The following KRT76 variants were observed in gnomAD, a reference collection of about 807,000 sequenced individuals.
The protein encoded by KRT76 is keratin, type II cytoskeletal 2 oral.
In KRT76, 47 loss-of-function variants were observed where a neutral mutation model predicts 44.9. That is an observed-to-expected ratio of 1.05 (90% CI 0.83 to 1.33). KRT76 has a LOEUF of 1.33. Among genes scored for constraint, KRT76 ranks in the 40% most tolerant of loss-of-function variants. The pLI is 0.00. For synonymous variants in KRT76, 331 were observed against 294.1 expected (o/e 1.13, Z -1.28); for missense variants, 860 against 775.8 (o/e 1.11, Z -1.29).
chr12:52,776,272 C>G (rs1378674754), intron 1 of KRT76, among the ~76,000 whole-genome samples: 1 of 152,172 alleles, frequency 6.6e-6, no homozygotes, highest in African/African-American at 2.4e-5. Context: ...AGGCAGCTGC[C>G]AATGCACCTC....
At position 52,768,800 on chromosome 12, in the gene KRT76, T is replaced by C; in HGVS notation, c.1830A>G (p.Gly610=). Residue 610 remains glycine, a synonymous_variant, in exon 9 of 9, where the codon GGA becomes GGG. Coordinates refer to ENST00000332411, the MANE Select transcript of KRT76 (RefSeq NM_015848.4). ...SSSGSIQTSG[G]SGYKSGGGGS... ...CTCCACCACCAGACTTGTAGCCACTTCCTCCAGAAGTCTGGATGCTGCCAG... is the reference window on the plus strand; with the variant it reads ...CTCCACCACCAGACTTGTAGCCACTCCCTCCAGAAGTCTGGATGCTGCCAG... The C allele has an allele frequency of 6.2e-7, 1 of 1,613,782 alleles. No individual in the cohort carries two copies.
chr12:52,777,005 C>T lies in KRT76; in HGVS notation c.287G>A (p.Gly96Asp), dbSNP rs772989693. Residue 96 changes from glycine (G) to aspartate (D), a missense_variant, in exon 1 of 9, where the codon GGT becomes GAT. Coordinates refer to ENST00000332411, the MANE Select transcript of KRT76 (RefSeq NM_015848.4). Reference protein sequence around the residue: ...SSCGFAGGYGGGFGGSYGGGF... With the variant: ...SSCGFAGGYGDGFGGSYGGGF... ...ACCACCATAGCTGCCCCCAAAGCCA[C>T]CTCCATAGCCACCTGCAAAGCCACA... 6.2e-7 allele frequency: 1 copy of T among 1,614,016 alleles called. No homozygotes were observed. The highest frequency in any genetic ancestry group is 8.5e-7 in the Non-Finnish European group (1 of 1,179,888).
chr12:52,772,102 G>A lies in KRT76; in HGVS notation c.1129C>T (p.Gln377Ter). The change falls in exon 5 of 9, where the codon CAG (glutamine) becomes TAG (stop). Residue 377 changes from glutamine to a stop codon, truncating the protein, a stop_gained. Coordinates refer to ENST00000332411, the MANE Select transcript of KRT76 (RefSeq NM_015848.4). LOFTEE classifies it high-confidence loss of function. ...RSKSEAEALY[Q>*]TKLGELQTTA... ...ACAGGGAGGGTTCCCACCTTGGTCT[G>A]GTACAGGGCCTCAGCTTCAGACTTG... 1 of 1,610,184 alleles carries A rather than the reference G, an allele frequency of 6.2e-7. No individual in the cohort carries two copies. The highest frequency in any genetic ancestry group is 8.5e-7 in the Non-Finnish European group (1 of 1,177,756).
Position 52,771,200 on chromosome 12 carries a change from G to C in KRT76, c.1283C>G (p.Ala428Gly). 1 of 1,614,162 alleles carries C rather than the reference G, an allele frequency of 6.2e-7. No individual in the cohort carries two copies. The highest frequency in any genetic ancestry group is 8.5e-7 in the Non-Finnish European group (1 of 1,180,034). ...VKKQNANLQT[A>G]IAEAEQRGEM... ...TCCACGCTGCTCAGCCTCTGCAATT[G>C]CCGTCTGCAGGTTGGCATTCTGAGG... Residue 428 changes from alanine to glycine, a missense_variant, in exon 7 of 9, where the codon GCA becomes GGA. By Grantham distance (60) the Ala-to-Gly change is moderately conservative (BLOSUM62 0). Coordinates refer to ENST00000332411, the MANE Select transcript of KRT76 (RefSeq NM_015848.4).
intron 4 of KRT76, 101 bp downstream of exon 4, chr12:52,772,682 T>C (rs1356740184): frequency 7.3e-6 from 6 of 827,152 alleles, no homozygotes; most frequent in African/African-American, 6.7e-5. Flanking sequence ...CTGAGCCCCA[T>C]TGCTGGTTTT....
In KRT76 at chr12:52,772,871, T is replaced by C; in HGVS notation, c.884A>G (p.Asp295Gly). ...CTCCACCTTGTTCATGAAAGCCGCATCCACATCCTGCAGAGGAGGTCAGAA... is the reference window on the plus strand; with the variant it reads ...CTCCACCTTGTTCATGAAAGCCGCACCCACATCCTGCAGAGGAGGTCAGAA... ...NEFVGLKKDV[D>G]AAFMNKVELQ... Residue 295 changes from aspartate (D) to glycine (G), a missense_variant, in exon 4 of 9, where the codon GAT becomes GGT. Transcript: ENST00000332411. The C allele has an allele frequency of 1.9e-6, 3 of 1,613,730 alleles. No individual in the cohort carries two copies. Among genetic ancestry groups the C allele is most frequent in the Non-Finnish European group, 2.5e-6 (3 of 1,179,632 alleles).
rs1939127136 is a variant in KRT76 at position 52,768,633 on chromosome 12, A to G, written c.*80T>C. 2.7e-6 allele frequency: 4 copies of G among 1,483,678 alleles called. No individual in the cohort carries two copies. The highest frequency in any genetic ancestry group is 3.6e-6 in the Non-Finnish European group (4 of 1,097,412). The allele number at this position is 1,483,678 out of a possible 1,614,324, so 91.9% of individuals were successfully genotyped here. A position where few individuals can be genotyped will look rare whatever the true frequency, so the allele number is the denominator to read the frequency against. On this transcript the variant is annotated 3_prime_UTR_variant, in exon 9 of 9. Transcript: ENST00000332411. The stretch of plus-strand genomic sequence containing the variant: ...AAATGTGGTTGACCCTTATGCATCT[A>G]TTGATGCCAAGCAGAGAGTGGGAAA...
At position 52,776,802 on chromosome 12, in the gene KRT76, G is replaced by C; in HGVS notation, c.490C>G (p.Leu164Val). Residue 164 changes from leucine to valine, a missense_variant, in exon 1 of 9, where the codon CTC becomes GTC. Transcript: ENST00000332411. The stretch of plus-strand genomic sequence containing the variant: ...ATCTCCACATTGAGGGGCTGCAGGA[G>C]ACTCTGGTTTACAATCACTTCCTGA... ...GIQEVIVNQS[L>V]LQPLNVEIDP... The C allele has an allele frequency of 6.2e-7, 1 of 1,614,146 alleles. No individual in the cohort carries two copies. The highest frequency in any genetic ancestry group is 8.5e-7 in the Non-Finnish European group (1 of 1,180,030).
At position 52,771,186 on chromosome 12, in the gene KRT76, C is replaced by G. The variant is rs1555177098; in HGVS notation, c.1297G>C (p.Glu433Gln). 6.2e-7 allele frequency: 1 copy of G among 1,614,186 alleles called. No individual in the cohort carries two copies. Among genetic ancestry groups the G allele is most frequent in the Non-Finnish European group, 8.5e-7 (1 of 1,180,036 alleles). The change falls in exon 7 of 9, where the codon GAG becomes CAG. Residue 433 changes from glutamate (E) to glutamine (Q), a missense_variant. By Grantham distance (29) the Glu-to-Gln change is conservative. Coordinates refer to ENST00000332411, the MANE Select transcript of KRT76 (RefSeq NM_015848.4). ...TTGAGGGCCATCTCTCCACGCTGCT[C>G]AGCCTCTGCAATTGCCGTCTGCAGG... ...ANLQTAIAEA[E>Q]QRGEMALKDA...
chr12:52,771,323 T>C, intron 6 of KRT76, 104 bp from the exon 7 acceptor site: 1 of 1,121,508 alleles, frequency 8.9e-7, no homozygotes, highest in African/African-American at 1.5e-5. Flanking sequence ...CTCCCTTTCC[T>C]TAGAAATCCC....
chr12:52,773,359 A>G (rs1274810194), intron 3 of KRT76, among the ~76,000 whole-genome samples: 1 of 152,204 alleles, frequency 6.6e-6, no homozygotes, highest in Non-Finnish European at 1.5e-5. Context: ...TCGCATTGCT[A>G]ATCAGCTCAT....
chr12:52,776,852 C>T lies in KRT76; in HGVS notation c.440G>A (p.Gly147Asp). Residue 147 changes from glycine to aspartate, a missense_variant, in exon 1 of 9, where the codon GGC (glycine) becomes GAC (aspartate). Transcript: ENST00000332411. ...AATTCCCCCAGGAAAGCCCCCAGGG[C>T]CAAAGCCACCAGGACCACCAAAGCT... is the stretch of plus-strand genomic sequence containing the variant. ...PGSFGGPGGF[G>D]PGGFPGGIQE... 2 of 1,613,330 alleles carry T rather than the reference C, an allele frequency of 1.2e-6. No individual in the cohort carries two copies. Among genetic ancestry groups the T allele is most frequent in the Non-Finnish European group, 1.7e-6 (2 of 1,179,626 alleles).
chr12:52,769,156 T>G (rs1391151611), intron 8 of KRT76, 46 bp from the exon 9 acceptor site: 1 of 661,114 alleles, frequency 1.5e-6, no homozygotes, highest in Admixed American at 2.2e-5. Flanking sequence ...CCTGGGAAAC[T>G]GGAAGCCAAG....
Position 52,771,863 on chromosome 12 carries a change from A to G in KRT76, c.1263+8T>C. On this transcript the variant is annotated splice_region_variant and intron_variant, in intron 6 of 8. Transcript: ENST00000332411. ...CCTCTGGGATCTCTCCGTTAAACCC[A>G]GCCCCACCTGCTTCTTGACATTTTC... 1 of 1,612,852 alleles carries G rather than the reference A, an allele frequency of 6.2e-7. No individual in the cohort carries two copies. Among genetic ancestry groups the G allele is most frequent in the Middle Eastern group, 1.6e-4 (1 of 6,062 alleles).
Position 52,772,199 on chromosome 12 carries a change from G to T in KRT76, c.1032C>A (p.Asn344Lys). 1.2e-6 allele frequency: 2 copies of T among 1,613,436 alleles called. No individual in the cohort carries two copies. The highest frequency in any genetic ancestry group is 1.1e-5 in the South Asian group (1 of 90,898). ...TGCTGCCCAGGTCCAGGCAGCGGTT[G>T]TTGTCCATGGACAGAACCACAGACG... ...SDTSVVLSMD[N>K]NRCLDLGSII... is the part of the protein sequence containing the mutation. Residue 344 changes from asparagine to lysine, a missense_variant, in exon 5 of 9, where the codon AAC becomes AAA. Transcript: ENST00000332411.
At chr12:52,772,065 G>A (rs1939191699) in intron 5 of KRT76, 29 bp downstream of exon 5, 2 of 1,606,774 alleles carry the variant, frequency 1.2e-6, no homozygotes, top group African/African-American at 1.3e-5. Context: ...AAGGTCATCA[G>A]GATCCAAGGA....
In KRT76 at chr12:52,777,047, C is replaced by G. The variant is rs199823023; in HGVS notation, c.245G>C (p.Gly82Ala). 2.6e-5 allele frequency: 42 copies of G among 1,614,160 alleles called. No homozygotes were observed. The South Asian group carries it at 4.4e-4, about 17-fold the overall frequency. ...AAGSSRAGGF[G>A]GGRSSCGFAG... ...AAAGCCACAGCTGCTCCGCCCTCCC[C>G]CAAAGCCTCCAGCCCGGGAGCTGCC... The change falls in exon 1 of 9, where the codon GGG becomes GCG. Residue 82 changes from glycine to alanine, a missense_variant. By Grantham distance (60) the Gly-to-Ala change is moderately conservative. Coordinates refer to ENST00000332411, the MANE Select transcript of KRT76 (RefSeq NM_015848.4).
chr12:52,772,342 G>A lies in KRT76; in HGVS notation c.973-84C>T, dbSNP rs990699384. 9 of 1,349,738 alleles carry A rather than the reference G, an allele frequency of 6.7e-6. No homozygotes were observed. The African/African-American group carries it at 1.3e-4, about 20-fold the overall frequency. The allele number at this position is 1,349,738 out of a possible 1,614,324, so 83.6% of individuals were successfully genotyped here. A position where few individuals can be genotyped will look rare whatever the true frequency, so the allele number is the denominator to read the frequency against. On this transcript the variant is annotated intron_variant, in intron 4 of 8. Transcript: ENST00000332411. The stretch of plus-strand genomic sequence containing the variant: ...CCTCTACTAGCGGAGATATCCCAAG[G>A]ATGGGGCTAGAGGTGGATCAGTTGG...
chr12:52,776,652 A>G lies in KRT76; in HGVS notation c.600+40T>C, dbSNP rs547172250. The stretch of plus-strand genomic sequence containing the variant: ...CATCTTTCTACACCGACCCCTGGGC[A>G]CCCCAAACCCTCCACAGCACCTCTT... On this transcript the variant is annotated intron_variant, in intron 1 of 8. Coordinates refer to ENST00000332411, the MANE Select transcript of KRT76 (RefSeq NM_015848.4). 3.3e-4 allele frequency: 530 copies of G among 1,612,926 alleles called. 8 individuals are homozygous for G. In the Middle Eastern group the frequency reaches 4.6e-3, roughly 14 times the overall value.
Sources: gnomAD v4.1 joint callset for allele counts (sites outside exome capture counted in the v4.1 genomes callset) on GRCh38, gnomAD v4.1.1 for gene constraint, MANE v1.5 for transcripts, NCBI Gene and HGNC (gene_info 2026-07-23, HGNC 2026-07-21) for gene names.